HAO1: variants seen among roughly 807,000 people sequenced by gnomAD.
HAO1 encodes the protein hydroxyacid oxidase 1, also known as 2-Hydroxyacid oxidase 1.
A neutral mutation model predicts 39.7 loss-of-function variants in HAO1; 34 were observed. That is an observed-to-expected ratio of 0.86 (90% CI 0.65 to 1.14). The LOEUF (loss-of-function observed/expected upper bound fraction) is 1.14. Ranked by LOEUF, HAO1 falls within the 50% of genes most tolerant of loss-of-function variation. The pLI is 0.00. For synonymous variants in HAO1, 172 were observed against 173.2 expected, an observed-to-expected ratio of 0.99 and a Z score of 0.05; for missense variants, 479 against 464.5, an observed-to-expected ratio of 1.03 and a Z score of -0.29.
At chr20:7,930,886 A>G (rs34473022) in intron 2 of HAO1, among the ~76,000 whole-genome samples, 12,194 of 152,260 alleles carry the variant, frequency 0.08, 832 homozygotes, top group East Asian at 0.31. Flanking sequence ...GAATACATGC[A>G]GAGCACAAGC....
rs763227029 is a variant in HAO1 at position 7,934,537 on chromosome 20, G to A, written c.236C>T (p.Ala79Val). Residue 79 changes from alanine to valine, a missense_variant, in exon 2 of 8, where the codon GCT (alanine) becomes GTT (valine). Transcript: ENST00000378789. Reference sequence around the variant, plus strand: ...ATGAGCCATGCGCTGCATGGCCGTAGCCCCCACACATATTGGCATGCTGAC... The same window carrying A: ...ATGAGCCATGCGCTGCATGGCCGTAACCCCCACACATATTGGCATGCTGAC... ...QRVSMPICVGATAMQRMAHVD... is the reference protein window; with the variant it reads ...QRVSMPICVGVTAMQRMAHVD... The A allele has an allele frequency of 6.2e-7, 1 of 1,613,542 alleles. No individual in the cohort carries two copies. The highest frequency in any genetic ancestry group is 1.1e-5 in the South Asian group (1 of 91,060).
rs773659784 is a variant in HAO1 at position 7,914,240 on chromosome 20, C to T, written c.469G>A (p.Val157Met). Residue 157 changes from valine (V) to methionine (M), a missense_variant, in exon 3 of 8, where the codon GTG becomes ATG. By Grantham distance (21) the Val-to-Met change is conservative (BLOSUM62 1). Coordinates refer to ENST00000378789, the MANE Select transcript of HAO1 (RefSeq NM_017545.3). The stretch of plus-strand genomic sequence containing the variant: ...CCCAGGTAAGGTGTGTCCACTGTCA[C>T]AAATATGGCCTTGTAGCCCATCTTC... ...AEKMGYKAIF[V>M]TVDTPYLGNR... 1 of 1,614,062 alleles carries T rather than the reference C, an allele frequency of 6.2e-7. No homozygotes were observed. The highest frequency in any genetic ancestry group is 1.7e-5 in the Admixed American group (1 of 60,016).
intron 2 of HAO1, among the ~76,000 whole-genome samples, chr20:7,919,345 C>T (rs1001356841): frequency 2.6e-5 from 4 of 152,212 alleles, no homozygotes; most frequent in Admixed American, 6.5e-5. Context: ...TATATTCAGA[C>T]TTTATTCGTA....
intron 1 of HAO1, among the ~76,000 whole-genome samples, chr20:7,937,207 C>G (rs895194178): frequency 9.9e-5 from 15 of 152,246 alleles, no homozygotes; most frequent in Middle Eastern, 3.4e-3. Flanking sequence ...CACAAAGTAG[C>G]TGCCCTGTTG....
chr20:7,939,155 C>T (rs2050428327), intron 1 of HAO1, among the ~76,000 whole-genome samples: 1 of 152,184 alleles, frequency 6.6e-6, no homozygotes, highest in Admixed American at 6.5e-5. Context: ...TTAAGCCCCT[C>T]TACTCTCAGT....
chr20:7,895,095 A>T, intron 5 of HAO1, 38 bp downstream of exon 5: 1 of 1,241,862 alleles, frequency 8.1e-7, no homozygotes, highest in Non-Finnish European at 1.2e-6. Context: ...TGGAAATGGG[A>T]ACTCCAAAAG....
chr20:7,926,196 T>C (rs148620593), intron 2 of HAO1, among the ~76,000 whole-genome samples: 19 of 152,222 alleles, frequency 1.2e-4, no homozygotes, highest in Middle Eastern at 3.4e-3. Flanking sequence ...ATCACCACCA[T>C]TACTGGCACT....
At chr20:7,912,967 T>C (rs897701275) in intron 3 of HAO1, among the ~76,000 whole-genome samples, 1 of 152,194 alleles carries the variant, frequency 6.6e-6, no homozygotes, top group African/African-American at 2.4e-5. Context: ...AGTAAAACTA[T>C]GTGAAACTTA....
At chr20:7,896,742 T>C (rs2050199663) in intron 4 of HAO1, among the ~76,000 whole-genome samples, 1 of 152,184 alleles carries the variant, frequency 6.6e-6, no homozygotes, top group African/African-American at 2.4e-5. Context: ...CTTTTTTCCA[T>C]TTACTGTGAA....
Position 7,929,115 on chromosome 20 carries a change from G to T in HAO1, c.289+5369C>A, listed in dbSNP as rs184818000. On this transcript the variant is annotated intron_variant, in intron 2 of 7. Coordinates refer to ENST00000378789, the MANE Select transcript of HAO1 (RefSeq NM_017545.3). ...TGTTTGTTTCAATTTCATCTTTTTT[G>T]GACATTTACATTACAAGCCTGGCTC... is the stretch of plus-strand genomic sequence containing the variant. Among the ~76,000 whole-genome samples, 1,140 of 151,856 alleles carry T rather than the reference G, an allele frequency of 7.5e-3. 16 individuals carry two copies. The highest frequency in any genetic ancestry group is 0.027 in the African/African-American group (1,102 of 41,372).
chr20:7,909,379 GTATATATATATA>G (rs869068490), intron 3 of HAO1, among the ~76,000 whole-genome samples: 1 of 108,240 alleles, frequency 9.2e-6, no homozygotes, highest in Non-Finnish European at 1.7e-5. Flanking sequence ...ATATATATAT[GTATATATATATA>G]TATATATATA....
chr20:7,916,284 G>A (rs1175287304), intron 2 of HAO1, among the ~76,000 whole-genome samples: 1 of 152,182 alleles, frequency 6.6e-6, no homozygotes, highest in East Asian at 1.9e-4. Context: ...AAATATATTA[G>A]AAGTATAAAT....
chr20:7,890,205 G>T (rs1309091776), intron 5 of HAO1, among the ~76,000 whole-genome samples: 3 of 150,752 alleles, frequency 2.0e-5, no homozygotes, highest in Admixed American at 6.6e-5. Flanking sequence ...GTTATGGTTT[G>T]TTTTTTTTTG....
At chr20:7,934,095 C>T (rs1332286397) in intron 2 of HAO1, among the ~76,000 whole-genome samples, 1 of 152,144 alleles carries the variant, frequency 6.6e-6, no homozygotes, top group Non-Finnish European at 1.5e-5. Context: ...TGACTTTGGG[C>T]AAGTCTACCT....
intron 4 of HAO1, among the ~76,000 whole-genome samples, chr20:7,899,242 T>C (rs1414485279): frequency 6.6e-6 from 1 of 152,086 alleles, no homozygotes; most frequent in Non-Finnish European, 1.5e-5. Context: ...TCCTAAGCCA[T>C]AAAATGAGGA....
chr20:7,914,454 G>A (rs1178762464), intron 2 of HAO1, 35 bp from the exon 3 acceptor site: 3 of 1,605,058 alleles, frequency 1.9e-6, no homozygotes, highest in Non-Finnish European at 1.7e-6. Flanking sequence ...GATGGGCCTG[G>A]CATTGCTTAC....
chr20:7,891,859 G>T (rs959369025), intron 5 of HAO1, among the ~76,000 whole-genome samples: 2 of 151,920 alleles, frequency 1.3e-5, no homozygotes, highest in Non-Finnish European at 2.9e-5. Flanking sequence ...AAACAATTTG[G>T]CCCGCCCACT....
At chr20:7,909,881 T>C (rs1170390108) in intron 3 of HAO1, among the ~76,000 whole-genome samples, 18 of 152,164 alleles carry the variant, frequency 1.2e-4, no homozygotes, top group Admixed American at 1.2e-3. Flanking sequence ...ATACAGACAC[T>C]GATACATGGG....
chr20:7,928,010 G>C (rs2050367370), intron 2 of HAO1, among the ~76,000 whole-genome samples: 1 of 152,142 alleles, frequency 6.6e-6, no homozygotes. Flanking sequence ...AAGTCAAATT[G>C]CGTGGCACAT....
Sources: gnomAD v4.1 joint callset for allele counts (sites outside exome capture counted in the v4.1 genomes callset) on GRCh38, gnomAD v4.1.1 for gene constraint, MANE v1.5 for transcripts, NCBI Gene and HGNC (gene_info 2026-07-23, HGNC 2026-07-21) for gene names.